The following PRKCB variants were observed in gnomAD, a reference collection of about 807,000 sequenced individuals.
PRKCB encodes protein kinase C beta.
A neutral mutation model predicts 81.5 loss-of-function variants in PRKCB; 13 were observed. The ratio of observed to expected loss-of-function variants is 0.16; its 90% CI spans 0.10 to 0.25. PRKCB has a LOEUF of 0.25. PRKCB is among the 10% of genes least tolerant of loss of function. The probability of loss-of-function intolerance (pLI) is 1.00; values close to 1 mark genes in which losing one functional copy is unlikely to be tolerated. For synonymous variants in PRKCB, 335 were observed against 321.4 expected (o/e 1.04, Z -0.45); for missense variants, 509 against 875.7 (o/e 0.58, Z 5.29).
At chr16:24,021,291 C>CT (rs1965391189) in intron 3 of PRKCB, among the ~76,000 whole-genome samples, 1 of 57,642 alleles carries the variant, frequency 1.7e-5, no homozygotes, top group Non-Finnish European at 3.1e-5. Context: ...CTCCCTCTCC[C>CT]TCCCTTCCTT....
At position 24,219,037 on chromosome 16, in the gene PRKCB, G is replaced by A. The variant is rs1968277857; in HGVS notation, c.*4221G>A. The A allele has an allele frequency of 4.1e-6, 4 of 985,482 alleles. No individual in the cohort carries two copies. In the South Asian group the frequency reaches 1.9e-4, roughly 46 times the overall value. 61.0% of individuals were successfully genotyped at this position (985,482 alleles called of 1,614,324 possible). A position where few individuals can be genotyped will look rare whatever the true frequency, so the allele number is the denominator to read the frequency against. On this transcript the variant is annotated 3_prime_UTR_variant, in exon 17 of 17. Transcript: ENST00000643927. ...TCCACCTGCCCCAGGTGGGTGTGGT[G>A]ATGATGAGGAAAGACAAGAGGCTTG... is the stretch of plus-strand genomic sequence containing the variant.
At chr16:24,109,816 C>T (rs1262590488) in intron 7 of PRKCB, among the ~76,000 whole-genome samples, 1 of 134,040 alleles carries the variant, frequency 7.5e-6, no homozygotes, top group African/African-American at 3.4e-5. Context: ...GCCTGGGCAC[C>T]ATTGAGCACT....
rs935273354 is a variant in PRKCB, at chr16:23,980,495, A to G, written c.206-8013A>G. On this transcript the variant is annotated intron_variant, in intron 2 of 16. Transcript: ENST00000643927. ...TGAGCTGCACAACAACCTTATATACATAGGTACTGTGATAAAATAAGGCTC... is the reference window on the plus strand; with the variant it reads ...TGAGCTGCACAACAACCTTATATACGTAGGTACTGTGATAAAATAAGGCTC... Among the ~76,000 whole-genome samples the G allele has an allele frequency of 3.3e-5, 5 of 152,182 alleles. No homozygotes were observed. The South Asian group carries it at 1.0e-3, about 32-fold the overall frequency.
chr16:24,206,639 A>G (rs1207633779), intron 16 of PRKCB, among the ~76,000 whole-genome samples: 1 of 151,928 alleles, frequency 6.6e-6, no homozygotes. Context: ...TGCAGGTCCC[A>G]CTCAAGTGAG....
intron 3 of PRKCB, 130 bp downstream of exon 3, chr16:23,988,720 C>A (rs1205422608): frequency 2.4e-6 from 2 of 820,226 alleles, no homozygotes; most frequent in African/African-American, 1.7e-5. Context: ...GTCCCTATAG[C>A]TTTTGAGACA....
At chr16:23,979,388 T>C (rs976603241) in intron 2 of PRKCB, among the ~76,000 whole-genome samples, 1 of 151,558 alleles carries the variant, frequency 6.6e-6, no homozygotes, top group East Asian at 1.9e-4. Flanking sequence ...AAAATCTCAT[T>C]TAGATTTTTG....
chr16:23,912,703 G>A (rs866691595), intron 2 of PRKCB, among the ~76,000 whole-genome samples: 1 of 150,846 alleles, frequency 6.6e-6, no homozygotes, highest in Middle Eastern at 3.5e-3. Flanking sequence ...AGTATAGATG[G>A]GGTCTCACCC....
intron 5 of PRKCB, among the ~76,000 whole-genome samples, chr16:24,038,473 C>T (rs1965653150): frequency 6.6e-6 from 1 of 152,244 alleles, no homozygotes; most frequent in Admixed American, 6.5e-5. Flanking sequence ...GAAGGGAAAA[C>T]GAAGTCTCAG....
intron 2 of PRKCB, among the ~76,000 whole-genome samples, chr16:23,968,387 A>G (rs1964514960): frequency 6.6e-6 from 1 of 152,222 alleles, no homozygotes; most frequent in Non-Finnish European, 1.5e-5. Flanking sequence ...GGAGGCGGTT[A>G]CCGTCTGTAA....
rs1964831145 is a variant in PRKCB at position 23,988,556 on chromosome 16, C to T, written c.254C>T (p.Ser85Phe). 2.5e-6 allele frequency: 4 copies of T among 1,614,148 alleles called. No individual in the cohort carries two copies. The highest frequency in any genetic ancestry group is 3.3e-4 in the Middle Eastern group (2 of 6,062). Residue 85 changes from serine (S) to phenylalanine (F), a missense_variant, in exon 3 of 17, where the codon TCC becomes TTC. Coordinates refer to ENST00000643927, the MANE Select transcript of PRKCB (RefSeq NM_002738.7). ...CGGTGCCATGAATTTGTCACATTCT[C>T]CTGCCCTGGCGCTGACAAGGGTCCA... is the stretch of plus-strand genomic sequence containing the variant. The part of the protein sequence containing the change: ...HKRCHEFVTF[S>F]CPGADKGPAS...
In PRKCB at chr16:24,105,985, C is replaced by CT. The variant is rs555273245; in HGVS notation, c.822-6979dup. Among the ~76,000 whole-genome samples, 619 of 149,560 alleles carry CT rather than the reference C, an allele frequency of 4.1e-3. 5 individuals are homozygous for CT. The highest frequency in any genetic ancestry group is 6.2e-3 in the Non-Finnish European group (417 of 67,404). ...TTTTCTTTTTCTTTCCTATTTCATT[C>CT]TTTTTTTTTCATCTCCTTCTAAACA... On this transcript the variant is annotated intron_variant, in intron 7 of 16. Coordinates refer to ENST00000643927, the MANE Select transcript of PRKCB (RefSeq NM_002738.7).
chr16:23,863,087 TATG>T (rs1173794901), intron 2 of PRKCB, among the ~76,000 whole-genome samples: 1 of 148,084 alleles, frequency 6.8e-6, no homozygotes, highest in Non-Finnish European at 1.5e-5. Flanking sequence ...GATTTATATA[TATG>T]ATTATATAAT....
intron 2 of PRKCB, among the ~76,000 whole-genome samples, chr16:23,854,414 C>G (rs1282488494): frequency 1.3e-5 from 2 of 152,140 alleles, no homozygotes; most frequent in Admixed American, 1.3e-4. Context: ...GTAATTTGGG[C>G]TGGGCTCAGC....
intron 4 of PRKCB, 43 bp from the exon 5 acceptor site, chr16:24,035,376 C>A: frequency 1.9e-6 from 3 of 1,599,098 alleles, no homozygotes; most frequent in Non-Finnish European, 2.6e-6. Context: ...CAGCCCCCAG[C>A]CTGGGCCAGC....
At chr16:23,964,665 C>A (rs1000095564) in intron 2 of PRKCB, among the ~76,000 whole-genome samples, 3 of 151,644 alleles carry the variant, frequency 2.0e-5, no homozygotes, top group Non-Finnish European at 4.4e-5. Context: ...GGGGCAAACA[C>A]CTCATGAGGT....
At chr16:24,146,249 A>T (rs416951) in intron 9 of PRKCB, among the ~76,000 whole-genome samples, 50,367 of 151,962 alleles carry the variant, frequency 0.33, 8,445 homozygotes, top group South Asian at 0.47. Flanking sequence ...CTGAAATAAT[A>T]AATTCCTTTT....
intron 2 of PRKCB, among the ~76,000 whole-genome samples, chr16:23,984,076 C>T (rs1291468079): frequency 6.6e-6 from 1 of 152,102 alleles, no homozygotes. Context: ...ACATAGGATG[C>T]AGCCAAAACT....
Position 24,092,712 on chromosome 16 carries a change from AC to A in PRKCB, c.530-78del, listed in dbSNP as rs1473976369. 5.8e-6 allele frequency: 8 copies of A among 1,389,508 alleles called. No homozygotes were observed. The African/African-American group carries it at 5.8e-5, about 10-fold the overall frequency. The allele number at this position is 1,389,508 out of a possible 1,614,324, so 86.1% of individuals were successfully genotyped here. A position where few individuals can be genotyped will look rare whatever the true frequency, so the allele number is the denominator to read the frequency against. The stretch of plus-strand genomic sequence containing the variant: ...CAAGTGTGATGCCAAAGAACCTTCC[AC>A]AAGTTCTGCAGCTGTCACTGCTTGG... On this transcript the variant is annotated intron_variant, in intron 5 of 16. Transcript: ENST00000643927.
At chr16:24,189,125 CG>C (rs549895660) in intron 15 of PRKCB, among the ~76,000 whole-genome samples, 299 of 152,270 alleles carry the variant, frequency 2.0e-3, no homozygotes, top group Middle Eastern at 0.01. Flanking sequence ...GAGAAAACCA[CG>C]TGTGAAATGC....
Sources: allele counts gnomAD v4.1 joint callset (sites outside exome capture counted in the v4.1 genomes callset), GRCh38; gene constraint gnomAD v4.1.1; transcripts MANE v1.5; gene names NCBI Gene and HGNC (gene_info 2026-07-23, HGNC 2026-07-21).